Variants in ASB3 observed in about 807,000 individuals in gnomAD.
ASB3 encodes ankyrin repeat and SOCS box containing 3, also known as ankyrin repeat and SOCS box protein 3.
A neutral mutation model predicts 54.5 loss-of-function variants in ASB3; 41 were observed. The ratio of observed to expected loss-of-function variants is 0.75; its 90% CI spans 0.59 to 0.98. The LOEUF (loss-of-function observed/expected upper bound fraction) is 0.98, where lower values mean the gene tolerates loss of function less well. Ranked by LOEUF, ASB3 falls within the 50% of genes least tolerant of loss-of-function variation. The pLI is 0.00. For synonymous variants in ASB3, 266 were observed against 221.2 expected (o/e 1.20, Z -1.80); for missense variants, 733 against 620.0 (o/e 1.18, Z -1.94).
chr2:53,765,707 A>C (rs1673406436), intron 1 of ASB3, 122 bp from the exon 2 acceptor site: 2 of 1,168,224 alleles, frequency 1.7e-6, no homozygotes, highest in African/African-American at 3.1e-5. Context: ...AAGGGCCCAC[A>C]ATACAGAAAG....
chr2:53,737,173 C>T (rs1415429555), intron 3 of ASB3, among the ~76,000 whole-genome samples: 1 of 152,096 alleles, frequency 6.6e-6, no homozygotes, highest in East Asian at 1.9e-4. Flanking sequence ...TATTAATCAA[C>T]AGGCAGACAA....
In ASB3 at chr2:53,765,578, T is replaced by C. The variant is rs1314163460; in HGVS notation, c.-6A>G. The C allele has an allele frequency of 2.5e-6, 4 of 1,614,056 alleles. No individual in the cohort carries two copies. In the Admixed American group the frequency reaches 6.7e-5, roughly 27 times the overall value. On this transcript the variant is annotated 5_prime_UTR_variant, in exon 2 of 10. Transcript: ENST00000263634. ...TAAGCCTCTGTAAAATCCATTTGTT[T>C]GACCAGTCTACAAAACAAGGTAGAA... is the stretch of plus-strand genomic sequence containing the variant.
At chr2:53,753,984 G>C (rs1672674056) in intron 2 of ASB3, among the ~76,000 whole-genome samples, 1 of 151,966 alleles carries the variant, frequency 6.6e-6, no homozygotes, top group African/African-American at 2.4e-5. Context: ...AAAGAAACCA[G>C]CACTCTTATG....
intron 9 of ASB3, among the ~76,000 whole-genome samples, chr2:53,688,035 GT>G (rs1335457765): frequency 2.0e-5 from 3 of 152,104 alleles, no homozygotes; most frequent in African/African-American, 4.8e-5. Context: ...TGCCCAACTG[GT>G]CTTGAACTCC....
intron 3 of ASB3, among the ~76,000 whole-genome samples, chr2:53,737,778 G>A (rs1287950436): frequency 4.9e-5 from 7 of 143,140 alleles, no homozygotes; most frequent in South Asian, 2.3e-4. Context: ...ATTTCAAAAC[G>A]AAAATTTCGA....
At chr2:53,726,675 T>C (rs145781476) in intron 5 of ASB3, among the ~76,000 whole-genome samples, 5,059 of 151,366 alleles carry the variant, frequency 0.033, 146 homozygotes, top group Non-Finnish European at 0.05. Context: ...CATATATATA[T>C]ACACATATAT....
At chr2:53,748,554 T>C (rs2103996593) in intron 3 of ASB3, among the ~76,000 whole-genome samples, 1 of 152,342 alleles carries the variant, frequency 6.6e-6, no homozygotes, top group South Asian at 2.1e-4. Flanking sequence ...TAGTAATGTG[T>C]CATATTATTC....
chr2:53,772,455 T>A (rs922239748), intron 1 of ASB3, among the ~76,000 whole-genome samples: 28 of 152,264 alleles, frequency 1.8e-4, no homozygotes, highest in South Asian at 6.2e-4. Context: ...ATTACAGGCA[T>A]GAGCCACCGC....
chr2:53,692,321 T>A (rs1393295851), intron 9 of ASB3, among the ~76,000 whole-genome samples: 2 of 152,140 alleles, frequency 1.3e-5, no homozygotes, highest in Non-Finnish European at 2.9e-5. Flanking sequence ...CAATTTTGCA[T>A]ATGTCAAGAT....
Position 53,670,292 on chromosome 2 carries a change from ATTTT to A in ASB3, c.*207_*210del, listed in dbSNP as rs757738523. 2.4e-3 allele frequency: 433 copies of A among 178,492 alleles called. No homozygotes were observed. Among genetic ancestry groups the A allele is most frequent in the Middle Eastern group, 8.7e-3 (4 of 458 alleles). 11.1% of individuals were successfully genotyped at this position (178,492 alleles called of 1,614,324 possible). On this transcript the variant is annotated 3_prime_UTR_variant, in exon 10 of 10. Coordinates refer to ENST00000263634, the MANE Select transcript of ASB3 (RefSeq NM_016115.5). ...TAAAGTAATATAAGTGATGTTTACA[ATTTT>A]TTTTTTTTTTTTTTTTTTTTTTACT...
At chr2:53,754,895 C>T (rs2104025805) in intron 2 of ASB3, among the ~76,000 whole-genome samples, 1 of 152,306 alleles carries the variant, frequency 6.6e-6, no homozygotes. Flanking sequence ...AGATAAACTG[C>T]TTTCCTTAAA....
At chr2:53,688,936 A>C in intron 9 of ASB3, among the ~76,000 whole-genome samples, 1 of 152,320 alleles carries the variant, frequency 6.6e-6, no homozygotes, top group African/African-American at 2.4e-5. Flanking sequence ...AGTGTAAGAA[A>C]AAAAAAAGAA....
chr2:53,758,296 T>C (rs1672949956), intron 2 of ASB3, among the ~76,000 whole-genome samples: 2 of 152,132 alleles, frequency 1.3e-5, no homozygotes, highest in African/African-American at 4.8e-5. Flanking sequence ...ACAGGATCCA[T>C]CTCTCAAATT....
rs1453725097 is a variant in ASB3 at position 53,700,421 on chromosome 2, T to C, written c.1088A>G (p.Tyr363Cys). ...CAATGAGCAACCTTTCCTCAAAAAG[T>C]AGCGAAATATCGAAAACTTCTCGTA... ...LKYEKFSIFR[Y>C]FLRKGCSLGP... Residue 363 changes from tyrosine (Y) to cysteine (C), a missense_variant, in exon 8 of 10, where the codon TAC becomes TGC. By Grantham distance (194) the Tyr-to-Cys change is radical. Coordinates refer to ENST00000263634, the MANE Select transcript of ASB3 (RefSeq NM_016115.5). The C allele has an allele frequency of 6.8e-6, 11 of 1,613,976 alleles. No individual in the cohort carries two copies. Among genetic ancestry groups the C allele is most frequent in the Non-Finnish European group, 9.3e-6 (11 of 1,180,012 alleles).
chr2:53,683,074 C>T (rs1232847634), intron 9 of ASB3, among the ~76,000 whole-genome samples: 1 of 152,130 alleles, frequency 6.6e-6, no homozygotes, highest in Non-Finnish European at 1.5e-5. Context: ...GGAAAAGCTT[C>T]AAGTATTTCC....
At chr2:53,710,605 G>A (rs1670039914) in intron 7 of ASB3, among the ~76,000 whole-genome samples, 1 of 152,172 alleles carries the variant, frequency 6.6e-6, no homozygotes, top group Non-Finnish European at 1.5e-5. Context: ...TCTGAGTCCT[G>A]GGTCTTGTTA....
chr2:53,770,448 A>G (rs907677521), intron 1 of ASB3, among the ~76,000 whole-genome samples: 1 of 149,154 alleles, frequency 6.7e-6, no homozygotes, highest in African/African-American at 2.5e-5. Context: ...GAATGATGTT[A>G]AGGTATCAGT....
intron 9 of ASB3, among the ~76,000 whole-genome samples, chr2:53,686,588 T>A (rs758061094): frequency 8.5e-5 from 13 of 152,174 alleles, no homozygotes; most frequent in African/African-American, 2.4e-4. Context: ...CTACAGTGAA[T>A]AAATAAAGTA....
At chr2:53,744,534 T>C (rs116671563) in intron 3 of ASB3, among the ~76,000 whole-genome samples, 1,635 of 152,254 alleles carry the variant, frequency 0.011, 30 homozygotes, top group African/African-American at 0.037. Context: ...ACTCCATACT[T>C]TCAATCTAAG....
Sources: allele counts gnomAD v4.1 joint callset (sites outside exome capture counted in the v4.1 genomes callset), GRCh38; gene constraint gnomAD v4.1.1; transcripts MANE v1.5; gene names NCBI Gene and HGNC (gene_info 2026-07-23, HGNC 2026-07-21).